The following COL19A1 variants were observed in gnomAD, a reference collection of about 807,000 sequenced individuals.
COL19A1 encodes collagen type XIX alpha 1 chain.
COL19A1 carries 159 observed loss-of-function variants against 190.2 expected under a neutral mutation model. That is an observed-to-expected ratio of 0.84 (90% confidence interval 0.73 to 0.95). The LOEUF (loss-of-function observed/expected upper bound fraction) is 0.95. Ranked by LOEUF, COL19A1 falls within the 40% of genes least tolerant of loss-of-function variation. COL19A1 has a pLI of 0.00. For missense variants in COL19A1, 1,418 were observed against 1,431.9 expected, an observed-to-expected ratio of 0.99 and a Z score of 0.16; for synonymous variants, 509 against 458.9, an observed-to-expected ratio of 1.11 and a Z score of -1.39.
chr6:70,104,419 T>C (rs1415035996), intron 16 of COL19A1, among the ~76,000 whole-genome samples: 12 of 152,080 alleles, frequency 7.9e-5, no homozygotes. Flanking sequence ...AAGTGCACTT[T>C]TAAGCAACCT....
At chr6:69,948,844 C>T (rs1269523922) in intron 9 of COL19A1, among the ~76,000 whole-genome samples, 1 of 151,742 alleles carries the variant, frequency 6.6e-6, no homozygotes, top group East Asian at 1.9e-4. Flanking sequence ...AAGGAAAATA[C>T]TGATAATCTA....
At chr6:70,073,587 G>C (rs1014758458) in intron 15 of COL19A1, among the ~76,000 whole-genome samples, 1 of 152,150 alleles carries the variant, frequency 6.6e-6, no homozygotes, top group African/African-American at 2.4e-5. Context: ...CTACTACTCT[G>C]TTGAATCTAT....
intron 49 of COL19A1, among the ~76,000 whole-genome samples, chr6:70,204,519 G>C (rs927855776): frequency 2.6e-5 from 4 of 152,142 alleles, no homozygotes; most frequent in African/African-American, 9.7e-5. Flanking sequence ...CATTTGACAG[G>C]AGAAGGGTAA....
In COL19A1 at chr6:70,146,882, G is replaced by T. The variant is rs765847975; in HGVS notation, c.1886G>T (p.Gly629Val). ...GGCCCACAAGGGATAGGAATTCCTG[G>T]CAGAACAGTAAGTGAAATTCATTCG... ...DIGPQGIGIP[G>V]RTGAQGPAGE... Residue 629 changes from glycine (G) to valine (V), a missense_variant, in exon 27 of 51, where the codon GGC becomes GTC. Physicochemically the swap from Gly to Val is moderately radical, Grantham distance 109 (BLOSUM62 -3). Transcript: ENST00000620364. 6.4e-7 allele frequency: 1 copy of T among 1,574,744 alleles called. No individual in the cohort carries two copies. The highest frequency in any genetic ancestry group is 1.4e-5 in the African/African-American group (1 of 72,980).
In COL19A1 at chr6:70,004,280, C is replaced by A. The variant is rs1178893809; in HGVS notation, c.1027-19347C>A. Among the ~76,000 whole-genome samples the A allele has an allele frequency of 2.2e-5, 3 of 139,478 alleles. No homozygotes were observed. In the East Asian group the frequency reaches 6.3e-4, roughly 29 times the overall value. The allele number at this position is 139,478 out of a possible 152,430, so 91.5% of individuals were successfully genotyped here. A position where few individuals can be genotyped will look rare whatever the true frequency, so the allele number is the denominator to read the frequency against. On this transcript the variant is annotated intron_variant, in intron 11 of 50. Coordinates refer to ENST00000620364, the MANE Select transcript of COL19A1 (RefSeq NM_001858.6). ...GGGCTTCCCTGCATAGGTGACCTGG[C>A]CTTCTCTCTGGCTACCCTTAATATT...
intron 11 of COL19A1, among the ~76,000 whole-genome samples, chr6:70,003,065 A>G (rs979523300): frequency 1.5e-4 from 23 of 152,296 alleles, no homozygotes; most frequent in African/African-American, 5.5e-4. Flanking sequence ...GCCGTGTCCC[A>G]TAGATTCTGG....
chr6:70,206,859 A>G, intron 49 of COL19A1, 42 bp from the exon 50 acceptor site: 1 of 1,568,888 alleles, frequency 6.4e-7, no homozygotes. Flanking sequence ...GTTGCCATAG[A>G]ACCCTTTTTG....
At chr6:69,892,003 A>G (rs1210405698) in intron 2 of COL19A1, among the ~76,000 whole-genome samples, 1 of 152,236 alleles carries the variant, frequency 6.6e-6, no homozygotes, top group East Asian at 1.9e-4. Flanking sequence ...CTGAATGCTA[A>G]GTTAAAACTG....
At chr6:70,112,306 C>T (rs1784326415) in intron 16 of COL19A1, among the ~76,000 whole-genome samples, 3 of 152,140 alleles carry the variant, frequency 2.0e-5, no homozygotes, top group Non-Finnish European at 4.4e-5. Context: ...GCCCCTGTGG[C>T]TTTTATCACC....
chr6:70,078,329 G>A (rs1280197848), intron 15 of COL19A1, among the ~76,000 whole-genome samples: 2 of 152,150 alleles, frequency 1.3e-5, no homozygotes, highest in African/African-American at 2.4e-5. Flanking sequence ...AGCCTAAGAT[G>A]GGATTCTTGT....
intron 36 of COL19A1, among the ~76,000 whole-genome samples, chr6:70,164,693 A>T (rs1164547540): frequency 7.0e-6 from 1 of 142,380 alleles, no homozygotes. Flanking sequence ...TGCCGGGGGA[A>T]AAAAAAGACT....
chr6:69,912,178 T>G (rs1189569231), intron 4 of COL19A1, among the ~76,000 whole-genome samples: 1 of 152,196 alleles, frequency 6.6e-6, no homozygotes, highest in African/African-American at 2.4e-5. Flanking sequence ...CATGCTACAT[T>G]CTACACTAAG....
intron 18 of COL19A1, among the ~76,000 whole-genome samples, chr6:70,136,585 T>C (rs1468258040): frequency 6.6e-6 from 1 of 152,206 alleles, no homozygotes; most frequent in East Asian, 1.9e-4. Context: ...TATTCAATAA[T>C]ATATTGTTTA....
At chr6:69,879,233 A>T (rs923143017) in intron 1 of COL19A1, among the ~76,000 whole-genome samples, 2 of 152,194 alleles carry the variant, frequency 1.3e-5, no homozygotes, top group Non-Finnish European at 2.9e-5. Context: ...GTTTAAAAAT[A>T]AAAAAGTGTC....
chr6:70,202,035 T>G (rs1437263099), intron 49 of COL19A1, among the ~76,000 whole-genome samples: 1 of 152,220 alleles, frequency 6.6e-6, no homozygotes, highest in Non-Finnish European at 1.5e-5. Flanking sequence ...AAAAAATGCA[T>G]TTAAAATCAC....
chr6:70,063,664 A>G (rs1780986832), intron 14 of COL19A1, among the ~76,000 whole-genome samples: 1 of 152,122 alleles, frequency 6.6e-6, no homozygotes, highest in Non-Finnish European at 1.5e-5. Flanking sequence ...AGACACAAAA[A>G]ACCCTTCAAA....
At position 70,095,341 on chromosome 6, in the gene COL19A1, A is replaced by T. The variant is rs865899158; in HGVS notation, c.1225-6828A>T. Among the ~76,000 whole-genome samples, 25 of 152,226 alleles carry T rather than the reference A, an allele frequency of 1.6e-4. 1 individual carries two copies. Among genetic ancestry groups the T allele is most frequent in the African/African-American group, 5.8e-4 (24 of 41,552 alleles). On this transcript the variant is annotated intron_variant, in intron 15 of 50. Coordinates refer to ENST00000620364, the MANE Select transcript of COL19A1 (RefSeq NM_001858.6). ...AACTCATATCCACAGTTAAAAGGTG[A>T]TTACACTTTTCTAAAGGATGCACAC...
Position 70,207,353 on chromosome 6 carries a change from T to A in COL19A1, c.*79T>A. On this transcript the variant is annotated 3_prime_UTR_variant, in exon 51 of 51. Transcript: ENST00000620364. ...TCTTAATACCGTCAAACCCTCATCA[T>A]CTGTGGGTTGCTTTTTTTTTTTTTT... The A allele has an allele frequency of 3.3e-6, 3 of 900,040 alleles. No individual in the cohort carries two copies. The highest frequency in any genetic ancestry group is 3.4e-5 in the East Asian group (1 of 29,646). The allele number at this position is 900,040 out of a possible 1,614,324, so 55.8% of individuals were successfully genotyped here.
intron 16 of COL19A1, among the ~76,000 whole-genome samples, chr6:70,112,202 C>T (rs756605216): frequency 7.9e-5 from 12 of 152,084 alleles, no homozygotes; most frequent in Admixed American, 2.0e-4. Context: ...CACAGTTGTT[C>T]CTAAGGTATG....
Sources: gnomAD v4.1 joint callset for allele counts (sites outside exome capture counted in the v4.1 genomes callset) on GRCh38, gnomAD v4.1.1 for gene constraint, MANE v1.5 for transcripts, NCBI Gene and HGNC (gene_info 2026-07-23, HGNC 2026-07-21) for gene names.